The following DLGAP2 variants were observed in gnomAD, a reference collection of about 807,000 sequenced individuals.
The protein encoded by DLGAP2 is DLG associated protein 2, also known as disks large-associated protein 2.
Under a neutral mutation model 100.3 loss-of-function variants are expected in DLGAP2, and 26 were observed. The observed-to-expected ratio is 0.26, with a 90% confidence interval of 0.19 to 0.36. The LOEUF (loss-of-function observed/expected upper bound fraction) is 0.36. Among genes scored for constraint, DLGAP2 ranks in the 10% least tolerant of loss-of-function variants. The pLI, the probability that DLGAP2 is intolerant of heterozygous loss-of-function variation, is 1.00. For missense variants in DLGAP2, 1,858 were observed against 1,453.2 expected (o/e 1.28, Z -4.53); for synonymous variants, 886 against 630.1 (o/e 1.41, Z -6.08).
At chr8:1,676,664 C>T in intron 11 of DLGAP2, 46 bp downstream of exon 11, 1 of 1,566,684 alleles carries the variant, frequency 6.4e-7, no homozygotes, top group South Asian at 1.2e-5. Context: ...AGCGAGGGCT[C>T]TTTGTCAAAG....
chr8:945,842 G>T (rs565490030), intron 2 of DLGAP2, among the ~76,000 whole-genome samples: 1 of 151,782 alleles, frequency 6.6e-6, no homozygotes, highest in African/African-American at 2.4e-5. Flanking sequence ...CTCTCTCTGC[G>T]TGTGTCTCTT....
At chr8:1,502,743 G>C (rs1261969644) in intron 4 of DLGAP2, among the ~76,000 whole-genome samples, 1 of 152,194 alleles carries the variant, frequency 6.6e-6, no homozygotes, top group Non-Finnish European at 1.5e-5. Flanking sequence ...TTTGACGTTT[G>C]TTTTCTTGAG....
At chr8:1,056,787 G>C (rs2075632313) in intron 2 of DLGAP2, among the ~76,000 whole-genome samples, 1 of 152,202 alleles carries the variant, frequency 6.6e-6, no homozygotes, top group Admixed American at 6.5e-5. Context: ...TTGTAAAATG[G>C]GAATTCCAGC....
chr8:786,788 A>G (rs1821879138), intron 1 of DLGAP2, among the ~76,000 whole-genome samples: 1 of 150,176 alleles, frequency 6.7e-6, no homozygotes, highest in Non-Finnish European at 1.5e-5. Flanking sequence ...AGTTGGAAGC[A>G]TCATGAACCT....
intron 8 of DLGAP2, among the ~76,000 whole-genome samples, chr8:1,636,019 G>A (rs550047823): frequency 8.5e-5 from 13 of 152,188 alleles, no homozygotes; most frequent in Non-Finnish European, 1.2e-4. Context: ...ACGTTCCTTC[G>A]TCCCACCGTT....
intron 2 of DLGAP2, among the ~76,000 whole-genome samples, chr8:963,842 C>T (rs1375335812): frequency 1.3e-5 from 2 of 152,154 alleles, no homozygotes; most frequent in African/African-American, 2.4e-5. Context: ...AAAAATTTGA[C>T]AGCGGGATGA....
At chr8:1,619,257 G>A (rs78565580) in intron 6 of DLGAP2, among the ~76,000 whole-genome samples, 4,090 of 152,280 alleles carry the variant, frequency 0.027, 172 homozygotes, top group African/African-American at 0.091. Context: ...AGGTGAAAGT[G>A]AAAACTTTAT....
chr8:1,025,131 CATGTGTGTGT>C (rs1357904478), intron 2 of DLGAP2, among the ~76,000 whole-genome samples: 2 of 151,160 alleles, frequency 1.3e-5, no homozygotes, highest in Non-Finnish European at 3.0e-5. Context: ...TGTGCGTGTG[CATGTGTGTGT>C]GCGTGTGTGT....
chr8:745,715 A>G (rs1395568391), intron 1 of DLGAP2, among the ~76,000 whole-genome samples: 1 of 152,240 alleles, frequency 6.6e-6, no homozygotes, highest in East Asian at 1.9e-4. Flanking sequence ...TGGTACAGCA[A>G]TGTTATAAAA....
chr8:967,744 AGTG>A (rs1346543008), intron 2 of DLGAP2, among the ~76,000 whole-genome samples: 1 of 117,596 alleles, frequency 8.5e-6, no homozygotes, highest in African/African-American at 3.2e-5. Flanking sequence ...GGATCCCAAA[AGTG>A]GTGTTCAACA....
intron 3 of DLGAP2, among the ~76,000 whole-genome samples, chr8:1,271,165 A>G (rs1395545540): frequency 6.6e-6 from 1 of 152,186 alleles, no homozygotes; most frequent in Non-Finnish European, 1.5e-5. Flanking sequence ...CAAAAAAGAA[A>G]ACATGTGAAA....
At chr8:928,810 T>C (rs1357622107) in intron 2 of DLGAP2, among the ~76,000 whole-genome samples, 1 of 151,968 alleles carries the variant, frequency 6.6e-6, no homozygotes, top group Non-Finnish European at 1.5e-5. Flanking sequence ...GATTTTCTGT[T>C]GCGAAGCCTG....
At chr8:1,511,138 C>A (rs10110006) in intron 4 of DLGAP2, among the ~76,000 whole-genome samples, 1 of 151,998 alleles carries the variant, frequency 6.6e-6, no homozygotes, top group South Asian at 2.1e-4. Context: ...GGTGACCATC[C>A]TCCATGGATG....
intron 1 of DLGAP2, among the ~76,000 whole-genome samples, chr8:835,693 C>G (rs150833549): frequency 3.0e-4 from 45 of 152,254 alleles, no homozygotes; most frequent in African/African-American, 1.0e-3. Flanking sequence ...GAATTAAATG[C>G]TTTTCTCTGT....
chr8:1,548,199 T>C (rs2097924), intron 4 of DLGAP2, among the ~76,000 whole-genome samples: 82,772 of 151,388 alleles, frequency 0.55, 22,957 homozygotes, highest in African/African-American at 0.64. Flanking sequence ...CTGGCTCATA[T>C]CTGTAATCCC....
At chr8:881,893 T>C (rs546681038) in intron 1 of DLGAP2, among the ~76,000 whole-genome samples, 2 of 152,172 alleles carry the variant, frequency 1.3e-5, no homozygotes, top group South Asian at 4.2e-4. Flanking sequence ...ACAGAGAAAA[T>C]ATAAATTCTC....
At chr8:1,662,628 A>G (rs1798434180) in intron 8 of DLGAP2, among the ~76,000 whole-genome samples, 1 of 152,270 alleles carries the variant, frequency 6.6e-6, no homozygotes, top group South Asian at 2.1e-4. Flanking sequence ...TGATGTCAGG[A>G]AGAGGTTTAA....
At chr8:866,649 A>C (rs1163021392) in intron 1 of DLGAP2, among the ~76,000 whole-genome samples, 1 of 152,066 alleles carries the variant, frequency 6.6e-6, no homozygotes, top group Non-Finnish European at 1.5e-5. Flanking sequence ...GCTTGCTGCC[A>C]CCTGTGACGG....
chr8:1,298,810 G>A (rs1800257101), intron 3 of DLGAP2, among the ~76,000 whole-genome samples: 1 of 152,184 alleles, frequency 6.6e-6, no homozygotes, highest in South Asian at 2.1e-4. Flanking sequence ...GCAATATAAC[G>A]CTGGCCGTGG....
Sources: gnomAD v4.1 joint callset for allele counts (sites outside exome capture counted in the v4.1 genomes callset) on GRCh38, gnomAD v4.1.1 for gene constraint, MANE v1.5 for transcripts, NCBI Gene and HGNC (gene_info 2026-07-23, HGNC 2026-07-21) for gene names.